SERHL2: variants seen among roughly 807,000 people sequenced by gnomAD.
SERHL2 encodes serine hydrolase like 2, also known as serine hydrolase-like protein 2.
In SERHL2, 29 loss-of-function variants were observed where a neutral mutation model predicts 25.5. The observed-to-expected ratio is 1.14, with a 90% CI of 0.85 to 1.55. The LOEUF (loss-of-function observed/expected upper bound fraction) is 1.55, where lower values mean the gene tolerates loss of function less well. Ranked by LOEUF, SERHL2 falls within the 40% of genes most tolerant of loss-of-function variation. SERHL2 has a pLI of 0.00. For synonymous variants in SERHL2, 95 were observed against 103.5 expected (o/e 0.92, Z 0.50); for missense variants, 240 against 252.3 (o/e 0.95, Z 0.33).
rs1341551088 is a variant in SERHL2 at position 42,566,285 on chromosome 22, T to G, written c.614-19T>G. The G allele has an allele frequency of 6.2e-7, 1 of 1,610,578 alleles. No individual in the cohort carries two copies. Among genetic ancestry groups the G allele is most frequent in the African/African-American group, 1.3e-5 (1 of 74,914 alleles). ...GATGGACAGCATTGACGCTGCTGTC[T>G]TTGTGCTTCCGCCTCCAGGTCTGGT... On this transcript the variant is annotated intron_variant, in intron 8 of 11. Transcript: ENST00000327678.
chr22:42,569,097 G>C (rs1923798482), intron 9 of SERHL2: 1 of 151,600 alleles, frequency 6.6e-6, no homozygotes, highest in African/African-American at 2.4e-5. Flanking sequence ...TGGGCAGGCT[G>C]GTTTCGAACT....
intron 9 of SERHL2, among the ~76,000 whole-genome samples, chr22:42,570,348 C>T (rs2018875): frequency 2.0e-5 from 3 of 151,784 alleles, no homozygotes; most frequent in South Asian, 2.1e-4. Flanking sequence ...ACCCAGGAGG[C>T]GGGAGGTTGC....
In SERHL2 at chr22:42,572,517, C is replaced by T. The variant is rs1924373496; in HGVS notation, c.813C>T (p.Ser271=). ...SLSFMIDTMK[S]TLKEQFQFVE... ...CGTTCATGATAGACACGATGAAATC[C>T]ACCCTCAAAGAGGTAAGACGGGGCT... Residue 271 remains serine (S), a synonymous_variant, in exon 11 of 12, where the codon TCC becomes TCT. Transcript: ENST00000327678. 2 of 1,611,962 alleles carry T rather than the reference C, an allele frequency of 1.2e-6. No individual in the cohort carries two copies. The highest frequency in any genetic ancestry group is 4.5e-5 in the East Asian group (2 of 44,874).
At chr22:42,563,432 G>T in intron 8 of SERHL2, 1 of 442,542 alleles carries the variant, frequency 2.3e-6, no homozygotes, top group Admixed American at 2.5e-5. Flanking sequence ...TCGAACTCCT[G>T]AACTCAAGCG....
At chr22:42,555,963 C>T in intron 4 of SERHL2, 101 bp from the exon 5 acceptor site, 1 of 408,706 alleles carries the variant, frequency 2.4e-6, no homozygotes, top group Non-Finnish European at 3.9e-6. Flanking sequence ...CCCCAGCCAC[C>T]CATATGGTGC....
chr22:42,561,230 G>T (rs572861549), intron 8 of SERHL2, among the ~76,000 whole-genome samples: 2 of 152,050 alleles, frequency 1.3e-5, no homozygotes, highest in South Asian at 4.1e-4. Flanking sequence ...CTCTCCCAGG[G>T]TGAGGGAACA....
chr22:42,563,418 G>A (rs1406844072), intron 8 of SERHL2: 4 of 441,232 alleles, frequency 9.1e-6, no homozygotes, highest in Non-Finnish European at 1.8e-5. Flanking sequence ...TGCCCAGGCT[G>A]GTCTCGAACT....
At chr22:42,564,594 G>A (rs1923094800) in intron 8 of SERHL2, among the ~76,000 whole-genome samples, 1 of 151,576 alleles carries the variant, frequency 6.6e-6, no homozygotes, top group African/African-American at 2.4e-5. Context: ...ACCATGCCTG[G>A]CTAATTTTTG....
chr22:42,567,829 C>T (rs1485045177), intron 9 of SERHL2, among the ~76,000 whole-genome samples: 4 of 151,498 alleles, frequency 2.6e-5, no homozygotes, highest in South Asian at 2.1e-4. Context: ...CTCCCAGGTT[C>T]GAGTGATTCT....
Position 42,560,259 on chromosome 22 carries a change from G to T in SERHL2, c.607G>T (p.Ala203Ser). ...LLLQRGTTKV[A>S]TGLVLNRDQR... ...CCTGCAAAGAGGAACCACGAAGGTG[G>T]CCACAGGTAAGGGACTCTACTGTCC... The change falls in exon 8 of 12, where the codon GCC (alanine) becomes TCC (serine). Residue 203 changes from alanine to serine, a missense_variant. By Grantham distance (99) the Ala-to-Ser change is moderately conservative (BLOSUM62 1). Coordinates refer to ENST00000327678, the MANE Select transcript of SERHL2 (RefSeq NM_014509.5). 1 of 1,609,598 alleles carries T rather than the reference G, an allele frequency of 6.2e-7. No homozygotes were observed. The highest frequency in any genetic ancestry group is 8.5e-7 in the Non-Finnish European group (1 of 1,176,104).
chr22:42,574,326 A>C lies in SERHL2; in HGVS notation c.*271A>C. On this transcript the variant is annotated 3_prime_UTR_variant, in exon 12 of 12. Coordinates refer to ENST00000327678, the MANE Select transcript of SERHL2 (RefSeq NM_014509.5). ...GAGGAAGGAAGGGCAGGCTGGGCCC[A>C]CCTAGCCTTTCCCTGCTGCCCAACT... The C allele has an allele frequency of 1.9e-6, 1 of 533,802 alleles. No homozygotes were observed. The highest frequency in any genetic ancestry group is 3.3e-6 in the Non-Finnish European group (1 of 300,138). The allele number at this position is 533,802 out of a possible 1,614,324, so 33.1% of individuals were successfully genotyped here. A position where few individuals can be genotyped will look rare whatever the true frequency, so the allele number is the denominator to read the frequency against.
intron 8 of SERHL2, chr22:42,565,410 C>T (rs1923241414): frequency 6.6e-6 from 1 of 151,422 alleles, no homozygotes; most frequent in South Asian, 2.1e-4. Flanking sequence ...ACTGCAACCT[C>T]TGCCTCCCGG....
chr22:42,556,802 T>C lies in SERHL2; in HGVS notation c.423+214T>C, dbSNP rs1208533470. On this transcript the variant is annotated intron_variant, in intron 6 of 11. Transcript: ENST00000327678. ...AGGACAAGGGGTGTGGGGGACCCCT[T>C]GGAAACTGGATGTGTGGCTCGGGAT... 1.2e-5 allele frequency: 5 copies of C among 410,472 alleles called. 1 individual carries two copies. The highest frequency in any genetic ancestry group is 9.3e-5 in the African/African-American group (3 of 32,188). The allele number at this position is 410,472 out of a possible 1,614,324, so 25.4% of individuals were successfully genotyped here. A position where few individuals can be genotyped will look rare whatever the true frequency, so the allele number is the denominator to read the frequency against.
chr22:42,572,555 G>T (rs933053564), intron 11 of SERHL2, 26 bp downstream of exon 11: 1 of 1,609,058 alleles, frequency 6.2e-7, no homozygotes, highest in Non-Finnish European at 8.5e-7. Flanking sequence ...GGCAGCTGGT[G>T]TCCAGCCACT....
chr22:42,555,115 C>CA (rs1309370578), intron 2 of SERHL2, 28 bp downstream of exon 2: 1 of 565,482 alleles, frequency 1.8e-6, no homozygotes, highest in South Asian at 2.0e-5. Context: ...AAGGGAAGGC[C>CA]AGGGGGAAAG....
At chr22:42,561,595 G>A (rs1922690133) in intron 8 of SERHL2, among the ~76,000 whole-genome samples, 1 of 151,740 alleles carries the variant, frequency 6.6e-6, no homozygotes, top group African/African-American at 2.4e-5. Flanking sequence ...CAGCTGGGCC[G>A]GTGCTAATCA....
chr22:42,567,716 T>G (rs1324969416), intron 9 of SERHL2, among the ~76,000 whole-genome samples: 5 of 132,886 alleles, frequency 3.8e-5, no homozygotes, highest in Non-Finnish European at 8.2e-5. Flanking sequence ...CGATTTTTCT[T>G]TAATTTTATT....
At chr22:42,565,700 C>T (rs1032410586) in intron 8 of SERHL2, among the ~76,000 whole-genome samples, 8 of 151,664 alleles carry the variant, frequency 5.3e-5, no homozygotes, top group African/African-American at 1.9e-4. Context: ...GTGATCCTCC[C>T]ACTTCGGCCT....
At chr22:42,570,192 C>T (rs948503414) in intron 9 of SERHL2, among the ~76,000 whole-genome samples, 2 of 151,966 alleles carry the variant, frequency 1.3e-5, no homozygotes, top group African/African-American at 4.8e-5. Flanking sequence ...GAGTCCGAGG[C>T]AGACAGATCA....
Sources: gnomAD v4.1 joint callset for allele counts (sites outside exome capture counted in the v4.1 genomes callset) on GRCh38, gnomAD v4.1.1 for gene constraint, MANE v1.5 for transcripts, NCBI Gene and HGNC (gene_info 2026-07-23, HGNC 2026-07-21) for gene names.